The following SKAP2 variants were observed in gnomAD, a reference collection of about 807,000 sequenced individuals.
SKAP2 encodes the protein src kinase-associated phosphoprotein 2.
In SKAP2, 28 loss-of-function variants were observed where a neutral mutation model predicts 54.9. The ratio of observed to expected loss-of-function variants is 0.51; its 90% confidence interval spans 0.38 to 0.70. The LOEUF is 0.70. Ranked by LOEUF, SKAP2 falls within the 30% of genes least tolerant of loss-of-function variation. SKAP2 has a pLI of 0.00. For missense variants in SKAP2, 356 were observed against 424.1 expected, an observed-to-expected ratio of 0.84 and a Z score of 1.41; for synonymous variants, 137 against 134.3, an observed-to-expected ratio of 1.02 and a Z score of -0.14.
At chr7:26,657,039 C>T in the SKAP2 span, among the ~76,000 whole-genome samples, 3 of 152,164 alleles carry the variant, frequency 2.0e-5, no homozygotes, top group Non-Finnish European at 4.4e-5. Flanking sequence ...AGAATAGCTA[C>T]AGGCTTTATC....
intron 4 of SKAP2, among the ~76,000 whole-genome samples, chr7:26,836,958 G>A (rs935259861): frequency 1.3e-5 from 2 of 152,138 alleles, no homozygotes; most frequent in African/African-American, 4.8e-5. Context: ...ATGATAGACT[G>A]GGTAAAGAAA....
intron 4 of SKAP2, among the ~76,000 whole-genome samples, chr7:26,757,110 C>G (rs1782812123): frequency 6.6e-6 from 1 of 152,126 alleles, no homozygotes; most frequent in Non-Finnish European, 1.5e-5. Flanking sequence ...AATTTTCTCC[C>G]ATTCTGTAGG....
chr7:26,788,295 C>A (rs953172816), intron 4 of SKAP2, among the ~76,000 whole-genome samples: 3 of 152,066 alleles, frequency 2.0e-5, no homozygotes, highest in Admixed American at 2.0e-4. Flanking sequence ...TGGTTTCTTA[C>A]AACAGCTGTG....
chr7:26,753,677 G>A (rs1782731733), intron 4 of SKAP2, among the ~76,000 whole-genome samples: 1 of 152,190 alleles, frequency 6.6e-6, no homozygotes, highest in Admixed American at 6.6e-5. Flanking sequence ...GCAGTACTGA[G>A]CAGCCAGTTG....
At chr7:26,655,851 TCTC>T in the SKAP2 span, among the ~76,000 whole-genome samples, 4 of 152,202 alleles carry the variant, frequency 2.6e-5, no homozygotes, top group African/African-American at 9.7e-5. Context: ...CCTCTCTTCT[TCTC>T]TGAGCTGTCA....
intron 9 of SKAP2, among the ~76,000 whole-genome samples, chr7:26,698,231 A>T (rs1786937233): frequency 6.6e-6 from 1 of 152,204 alleles, no homozygotes; most frequent in African/African-American, 2.4e-5. Context: ...TCAAGAGCCC[A>T]AGAAAGAAAA....
intron 4 of SKAP2, among the ~76,000 whole-genome samples, chr7:26,772,993 G>T (rs1033163577): frequency 1.3e-5 from 2 of 152,222 alleles, no homozygotes; most frequent in African/African-American, 4.8e-5. Flanking sequence ...TAAATCCAGT[G>T]ATGGTCTTGA....
rs1785331665 is a variant in SKAP2 at position 26,864,400 on chromosome 7, G to A, written c.30C>T (p.Pro10=). Residue 10 remains proline (P), a synonymous_variant, in exon 1 of 13, where the codon CCC becomes CCT. Transcript: ENST00000345317. MPNPSSTSS[P]YPLPEEIRNL... is the part of the protein sequence containing the mutation. ...TCCTAATTTCCTCAGGGAGGGGGTA[G>A]GGAGAGGAGGTGCTGCTGGGGTTGG... 7 of 1,612,228 alleles carry A rather than the reference G, an allele frequency of 4.3e-6. No homozygotes were observed. Among genetic ancestry groups the A allele is most frequent in the Non-Finnish European group, 5.9e-6 (7 of 1,179,112 alleles).
At chr7:26,831,469 A>G (rs1373881286) in intron 4 of SKAP2, among the ~76,000 whole-genome samples, 1 of 152,232 alleles carries the variant, frequency 6.6e-6, no homozygotes, top group East Asian at 1.9e-4. Flanking sequence ...TATATAGTAT[A>G]GAAGTTAGAC....
chr7:26,757,491 G>C (rs1354834277), intron 4 of SKAP2, among the ~76,000 whole-genome samples: 1 of 152,012 alleles, frequency 6.6e-6, no homozygotes, highest in African/African-American at 2.4e-5. Context: ...GCAGATGTGT[G>C]GTATTATTTC....
rs1488497761 is a variant in SKAP2, at chr7:26,802,806, A to G, written c.307+41224T>C. Among the ~76,000 whole-genome samples, 3 of 152,134 alleles carry G rather than the reference A, an allele frequency of 2.0e-5. No homozygotes were observed. The South Asian group carries it at 6.2e-4, about 32-fold the overall frequency. ...TGAGGCAGGAGAATCGCTTGAACCC[A>G]GAAGACAGAGGTTGCAGTGAGTCAA... On this transcript the variant is annotated intron_variant, in intron 4 of 12. Coordinates refer to ENST00000345317, the MANE Select transcript of SKAP2 (RefSeq NM_003930.5).
chr7:26,711,079 A>G (rs1400783670), intron 9 of SKAP2, among the ~76,000 whole-genome samples: 1 of 152,200 alleles, frequency 6.6e-6, no homozygotes, highest in Non-Finnish European at 1.5e-5. Context: ...GTTCCACCTG[A>G]GCAGGTTTAA....
At chr7:26,704,686 G>A (rs1345910050) in intron 9 of SKAP2, among the ~76,000 whole-genome samples, 2 of 152,164 alleles carry the variant, frequency 1.3e-5, no homozygotes, top group Non-Finnish European at 2.9e-5. Flanking sequence ...TCTGTAGAAA[G>A]GGGCTGCCAA....
intron 4 of SKAP2, among the ~76,000 whole-genome samples, chr7:26,800,117 C>G (rs1361617253): frequency 6.6e-6 from 1 of 152,014 alleles, no homozygotes; most frequent in Non-Finnish European, 1.5e-5. Context: ...GAGCGAAACT[C>G]TGTCTCAAAA....
chr7:26,852,638 T>A (rs1184236054), intron 3 of SKAP2, among the ~76,000 whole-genome samples: 1 of 152,208 alleles, frequency 6.6e-6, no homozygotes, highest in Non-Finnish European at 1.5e-5. Flanking sequence ...ACAAAGAATG[T>A]ATCTCAGTAA....
chr7:26,773,998 T>C (rs944612943), intron 4 of SKAP2, among the ~76,000 whole-genome samples: 3 of 152,108 alleles, frequency 2.0e-5, no homozygotes, highest in Admixed American at 1.3e-4. Flanking sequence ...CTCCAACTTT[T>C]TTACAGGTAA....
chr7:26,679,060 G>A (rs1480390845), intron 11 of SKAP2, among the ~76,000 whole-genome samples: 2 of 152,124 alleles, frequency 1.3e-5, no homozygotes, highest in Non-Finnish European at 2.9e-5. Context: ...CAAACTCTTA[G>A]TTATTCATGC....
chr7:26,771,974 G>A (rs754234604), intron 4 of SKAP2, among the ~76,000 whole-genome samples: 2 of 152,058 alleles, frequency 1.3e-5, no homozygotes, highest in South Asian at 2.1e-4. Flanking sequence ...TATTCCTATC[G>A]CCTGGAAGAT....
At position 26,754,183 on chromosome 7, in the gene SKAP2, G is replaced by A. The variant is rs113112483; in HGVS notation, c.308-14219C>T. On this transcript the variant is annotated intron_variant, in intron 4 of 12. Coordinates refer to ENST00000345317, the MANE Select transcript of SKAP2 (RefSeq NM_003930.5). ...GTTTGAGACCAACCCAGCCAAGATG[G>A]TGAAACCCCTTCTCCACTGAAAATA... 1.8e-3 allele frequency among the ~76,000 whole-genome samples: 280 copies of A among 152,092 alleles called. 2 individuals carry two copies. The highest frequency in any genetic ancestry group is 6.4e-3 in the African/African-American group (265 of 41,488).
Sources: gnomAD v4.1 joint callset for allele counts (sites outside exome capture counted in the v4.1 genomes callset) on GRCh38, gnomAD v4.1.1 for gene constraint, MANE v1.5 for transcripts, NCBI Gene and HGNC (gene_info 2026-07-23, HGNC 2026-07-21) for gene names.